Variants in MAN2C1 observed in about 807,000 individuals in gnomAD.
The protein encoded by MAN2C1 is mannosidase alpha class 2C member 1, also known as alpha-mannosidase 2C1.
In MAN2C1, 111 loss-of-function variants were observed where a neutral mutation model predicts 126.9. The ratio of observed to expected loss-of-function variants is 0.87; its 90% CI spans 0.75 to 1.02. MAN2C1 has a LOEUF of 1.02. MAN2C1 is among the 50% of genes least tolerant of loss of function. The pLI, the probability that MAN2C1 is intolerant of heterozygous loss-of-function variation, is 0.00. For missense variants in MAN2C1, 1,363 were observed against 1,364.4 expected (o/e 1.00, Z 0.02); for synonymous variants, 567 against 561.5 (o/e 1.01, Z -0.14).
At chr15:75,363,873 G>T in intron 6 of MAN2C1, 126 bp downstream of exon 6, 1 of 1,030,056 alleles carries the variant, frequency 9.7e-7, no homozygotes, top group East Asian at 2.6e-5. Flanking sequence ...CCGTTTTACA[G>T]ACGGGGAAAA....
chr15:75,366,429 C>G, intron 4 of MAN2C1, 93 bp downstream of exon 4: 1 of 994,606 alleles, frequency 1.0e-6, no homozygotes, highest in Non-Finnish European at 1.5e-6. Context: ...AGAGCAGAGG[C>G]GGGCTTATGA....
At position 75,362,510 on chromosome 15, in the gene MAN2C1, G is replaced by A. The variant is rs923865899; in HGVS notation, c.898-57C>T. 8 of 1,533,492 alleles carry A rather than the reference G, an allele frequency of 5.2e-6. No homozygotes were observed. The African/African-American group carries it at 1.1e-4, about 21-fold the overall frequency. The allele number at this position is 1,533,492 out of a possible 1,614,324, so 95.0% of individuals were successfully genotyped here. ...AGTGACAAGGGCCCCACCCAGGACT[G>A]AGCATATGGGACTCAGTGTGTGGCT... On this transcript the variant is annotated intron_variant, in intron 7 of 25. Coordinates refer to ENST00000267978, the MANE Select transcript of MAN2C1 (RefSeq NM_006715.4). The surrounding 1 kb of genome is among the most constrained non-coding windows in gnomAD (Gnocchi z 4.5).
intron 1 of MAN2C1, 131 bp downstream of exon 1, chr15:75,368,352 C>T (rs1243618147): frequency 7.2e-7 from 1 of 1,388,580 alleles, no homozygotes; most frequent in Non-Finnish European, 9.7e-7. Flanking sequence ...CCCTCCTCCC[C>T]GGCCCCTGCC....
At position 75,363,045 on chromosome 15, in the gene MAN2C1, G is replaced by A. The variant is rs141534407; in HGVS notation, c.791-297C>T. 1.8e-4 allele frequency: 74 copies of A among 418,894 alleles called. No individual in the cohort carries two copies. In the East Asian group the frequency reaches 4.1e-3, roughly 23 times the overall value. The allele number at this position is 418,894 out of a possible 1,614,324, so 25.9% of individuals were successfully genotyped here. A position where few individuals can be genotyped will look rare whatever the true frequency, so the allele number is the denominator to read the frequency against. On this transcript the variant is annotated intron_variant, in intron 6 of 25. Transcript: ENST00000267978. Reference sequence around the variant, plus strand: ...AGACATCCCCTAGAGGATCCTACGAGAAGTAGCAGGGACTACCCTGCCCCT... The same window carrying A: ...AGACATCCCCTAGAGGATCCTACGAAAAGTAGCAGGGACTACCCTGCCCCT...
Position 75,356,838 on chromosome 15 carries a change from C to T in MAN2C1, c.2612G>A (p.Cys871Tyr), listed in dbSNP as rs143755898. ...HGFGLALLND[C>Y]KYGASVRGSI... Reference sequence around the variant, plus strand: ...GCCTCGCACTGACGCGCCATACTTGCAGTCGTTGAGCAGGGCCAGCCCAAA... The same window carrying T: ...GCCTCGCACTGACGCGCCATACTTGTAGTCGTTGAGCAGGGCCAGCCCAAA... Residue 871 changes from cysteine to tyrosine, a missense_variant, in exon 22 of 26, where the codon TGC becomes TAC. By Grantham distance (194) the Cys-to-Tyr change is radical (BLOSUM62 -2). Around this residue, in one of 3 missense-constraint regions of MAN2C1, gnomAD observed 668 missense variants for 650.1 expected, o/e 1.03. Coordinates refer to ENST00000267978, the MANE Select transcript of MAN2C1 (RefSeq NM_006715.4). This position sits in a 1 kb window ranked among gnomAD's most constrained non-coding sequence, Gnocchi z 5.8. 5 of 1,614,122 alleles carry T rather than the reference C, an allele frequency of 3.1e-6. No homozygotes were observed. The highest frequency in any genetic ancestry group is 2.2e-5 in the East Asian group (1 of 44,884).
rs754801214 is a variant in MAN2C1, at chr15:75,361,805, G to A, written c.1101+50C>T. 3.8e-6 allele frequency: 6 copies of A among 1,599,610 alleles called. No individual in the cohort carries two copies. The highest frequency in any genetic ancestry group is 1.1e-5 in the South Asian group (1 of 90,722). ...CCTCAGCCCCTCAGCACTCCAAGTC[G>A]AGCGCCAGCCCCACTCGCCCACAGC... On this transcript the variant is annotated intron_variant, in intron 9 of 25. Transcript: ENST00000267978. The surrounding 1 kb of genome is among the most constrained non-coding windows in gnomAD (Gnocchi z 5.0).
At chr15:75,367,053 G>A (rs1364692360) in intron 3 of MAN2C1, among the ~76,000 whole-genome samples, 1 of 152,144 alleles carries the variant, frequency 6.6e-6, no homozygotes, top group Non-Finnish European at 1.5e-5. Flanking sequence ...CTTGTAGCCA[G>A]GAAGAACAGT....
At chr15:75,357,172 CTCAG>C in intron 21 of MAN2C1, 1 of 413,772 alleles carries the variant, frequency 2.4e-6, no homozygotes, top group East Asian at 4.7e-5. Flanking sequence ...CACACAGGAT[CTCAG>C]TCTGTCACCC....
At position 75,360,630 on chromosome 15, in the gene MAN2C1, G is replaced by A; in HGVS notation, c.1519C>T (p.Leu507=). The A allele has an allele frequency of 6.2e-7, 1 of 1,613,882 alleles. No individual in the cohort carries two copies. The highest frequency in any genetic ancestry group is 8.5e-7 in the Non-Finnish European group (1 of 1,179,986). Residue 507 remains leucine (L), a synonymous_variant, in exon 13 of 26, where the codon CTG becomes TTG. Coordinates refer to ENST00000267978, the MANE Select transcript of MAN2C1 (RefSeq NM_006715.4). ...AAGAGCTCCCCAACCCACGTGCACA[G>A]CTGCTCTGAGTCACTCTCCAGTGCT... The part of the protein sequence containing the change: ...FSALESDSEQ[L]CTWVGELFLE...
chr15:75,358,972 T>C, intron 18 of MAN2C1, 87 bp downstream of exon 18: 1 of 1,567,262 alleles, frequency 6.4e-7, no homozygotes, highest in Non-Finnish European at 8.7e-7. Context: ...GGTGGGCTGC[T>C]GTGGGCAGTG....
chr15:75,360,689 C>A lies in MAN2C1; in HGVS notation c.1461-1G>T, dbSNP rs1381125573. ...CTGTCTTGGAGAAGATAGCTGCACC[C>A]TGAGGAGACCACAAGCCTAGGTCTC... On this transcript the variant is annotated splice_acceptor_variant, in intron 12 of 25. Transcript: ENST00000267978. LOFTEE classifies it high-confidence loss of function. The A allele has an allele frequency of 6.2e-7, 1 of 1,613,294 alleles. No individual in the cohort carries two copies.
In MAN2C1 at chr15:75,364,196, AG is replaced by A. The variant is rs201919526; in HGVS notation, c.601-9del. 18 of 1,608,124 alleles carry A rather than the reference AG, an allele frequency of 1.1e-5. No individual in the cohort carries two copies. The East Asian group carries it at 3.6e-4, about 32-fold the overall frequency. ...GTTGTCCTTCCCGAGGCCCTGCAGC[AG>A]GGTTCTGCCCCTTAATCCCTTTTTC... On this transcript the variant is annotated splice_polypyrimidine_tract_variant and intron_variant, in intron 5 of 25. Coordinates refer to ENST00000267978, the MANE Select transcript of MAN2C1 (RefSeq NM_006715.4).
Position 75,362,705 on chromosome 15 carries a change from C to T in MAN2C1, c.834G>A (p.Arg278=), listed in dbSNP as rs1409423983. The part of the protein sequence containing the change: ...PFKETVRKCA[R]SWVTALQLME... ...TGAGCTGCAGGGCGGTCACCCAGCT[C>T]CGGGCACATTTCCTCACAGTCTCTT... Residue 278 remains arginine (R), a synonymous_variant, in exon 7 of 26, where the codon CGG becomes CGA. Coordinates refer to ENST00000267978, the MANE Select transcript of MAN2C1 (RefSeq NM_006715.4). This position sits in a 1 kb window ranked among gnomAD's most constrained non-coding sequence, Gnocchi z 4.5. 1 of 1,614,122 alleles carries T rather than the reference C, an allele frequency of 6.2e-7. No homozygotes were observed. The highest frequency in any genetic ancestry group is 1.3e-5 in the African/African-American group (1 of 75,050).
intron 21 of MAN2C1, chr15:75,357,614 T>C (rs1175008612): frequency 6.8e-6 from 1 of 147,904 alleles, no homozygotes; most frequent in Non-Finnish European, 1.5e-5. Flanking sequence ...GGCCAATTTT[T>C]GTATTTTTTT....
At chr15:75,360,948 A>C in intron 12 of MAN2C1, 98 bp downstream of exon 12, 1 of 1,439,572 alleles carries the variant, frequency 6.9e-7, no homozygotes, top group Non-Finnish European at 9.3e-7. Context: ...GGACAGGACA[A>C]GGTCCAGAGG....
chr15:75,360,776 A>C, intron 12 of MAN2C1, 88 bp from the exon 13 acceptor site: 1 of 1,514,174 alleles, frequency 6.6e-7, no homozygotes, highest in Non-Finnish European at 9.0e-7. Context: ...TCCAGCTCCT[A>C]CAGAGAGGAG....
chr15:75,368,543 A>T lies in MAN2C1; in HGVS notation c.41T>A (p.Leu14Gln). 6.4e-7 allele frequency: 1 copy of T among 1,554,006 alleles called. No homozygotes were observed. Among genetic ancestry groups the T allele is most frequent in the East Asian group, 2.4e-5 (1 of 41,320 alleles). Residue 14 changes from leucine (L) to glutamine (Q), a missense_variant, in exon 1 of 26, where the codon CTG becomes CAG. Transcript: ENST00000267978. ...CGACACGAACTTCTCCACCCGCTCC[A>T]GCGTGGTGCGCCAGTGCTTCAAGGC... The part of the protein sequence containing the change: ...APALKHWRTT[L>Q]ERVEKFVSPL...
At position 75,355,831 on chromosome 15, in the gene MAN2C1, C is replaced by T; in HGVS notation, c.*75G>A. The stretch of plus-strand genomic sequence containing the variant: ...ATTTATTCCACAAGAAAAGACTGAT[C>T]CCTGCTTTAGGCTGGGGAAGCAGAA... On this transcript the variant is annotated 3_prime_UTR_variant, in exon 26 of 26. Transcript: ENST00000267978. 10 of 1,491,816 alleles carry T rather than the reference C, an allele frequency of 6.7e-6. 1 individual carries two copies. The allele number at this position is 1,491,816 out of a possible 1,614,324, so 92.4% of individuals were successfully genotyped here.
Position 75,368,509 on chromosome 15 carries a change from G to A in MAN2C1, c.75C>T (p.Tyr25=). 1 of 1,555,586 alleles carries A rather than the reference G, an allele frequency of 6.4e-7. No homozygotes were observed. The change falls in exon 1 of 26, where the codon TAC becomes TAT. Residue 25 remains tyrosine, a synonymous_variant. Coordinates refer to ENST00000267978, the MANE Select transcript of MAN2C1 (RefSeq NM_006715.4). ...ERVEKFVSPL[Y]FTDCNLRGRL... is the part of the protein sequence containing the mutation. ...TGCCGCGGAGGTTACAGTCGGTAAA[G>A]TAGAGCGGCGACACGAACTTCTCCA...
Sources: gnomAD v4.1 joint callset for allele counts (sites outside exome capture counted in the v4.1 genomes callset) on GRCh38, gnomAD v4.1.1 for gene constraint, gnomAD v4.1.1 regional missense constraint, Gnocchi (gnomAD v3.1) non-coding constraint, MANE v1.5 for transcripts, NCBI Gene and HGNC (gene_info 2026-07-23, HGNC 2026-07-21) for gene names.